JPH2: variants seen among roughly 807,000 people sequenced by gnomAD.
JPH2 encodes the protein junctophilin-2.
A neutral mutation model predicts 55.9 loss-of-function variants in JPH2; 38 were observed. The ratio of observed to expected loss-of-function variants is 0.68; its 90% CI spans 0.52 to 0.89. The LOEUF is 0.89. Among genes scored for constraint, JPH2 ranks in the 40% least tolerant of loss-of-function variants. JPH2 has a pLI of 0.00. For synonymous variants in JPH2, 480 were observed against 472.4 expected, an observed-to-expected ratio of 1.02 and a Z score of -0.21; for missense variants, 964 against 1,037.6, an observed-to-expected ratio of 0.93 and a Z score of 0.97.
chr20:44,115,202 T>A (rs1328659072), intron 4 of JPH2, among the ~76,000 whole-genome samples: 9 of 152,066 alleles, frequency 5.9e-5, no homozygotes, highest in Admixed American at 5.9e-4. Context: ...CCAGCTTCAG[T>A]CTTTGTTGCC....
chr20:44,134,163 AAATATTTATTATAAATATATAAATATT>A (rs2072359169), intron 2 of JPH2, among the ~76,000 whole-genome samples: 1 of 31,534 alleles, frequency 3.2e-5, no homozygotes, highest in Non-Finnish European at 5.7e-5. Context: ...ATAAATATAT[AAATATTTATTATAAATATATAAATATT>A]TATTATAAAT....
intron 2 of JPH2, among the ~76,000 whole-genome samples, chr20:44,157,002 C>T (rs2072570396): frequency 6.6e-6 from 1 of 152,222 alleles, no homozygotes; most frequent in Non-Finnish European, 1.5e-5. Flanking sequence ...TTGGGTTCTC[C>T]CACTTGCTTG....
In JPH2 at chr20:44,160,697, C is replaced by T. The variant is rs776186583; in HGVS notation, c.380-290G>A. Among the ~76,000 whole-genome samples the T allele has an allele frequency of 7.2e-5, 11 of 152,272 alleles. No individual in the cohort carries two copies. Among genetic ancestry groups the T allele is most frequent in the Non-Finnish European group, 1.6e-4 (11 of 68,022 alleles). On this transcript the variant is annotated intron_variant, in intron 1 of 5. Coordinates refer to ENST00000372980, the MANE Select transcript of JPH2 (RefSeq NM_020433.5). The surrounding 1 kb of genome is among the most constrained non-coding windows in gnomAD (Gnocchi z 4.9). ...AAGCTAGTGAGTTCGCATGGTAGTGCAAATGTTGGAGAGCATGGGCTTGTG... is the reference window on the plus strand; with the variant it reads ...AAGCTAGTGAGTTCGCATGGTAGTGTAAATGTTGGAGAGCATGGGCTTGTG...
At chr20:44,136,551 C>G (rs1312247705) in intron 2 of JPH2, among the ~76,000 whole-genome samples, 1 of 152,134 alleles carries the variant, frequency 6.6e-6, no homozygotes, top group Non-Finnish European at 1.5e-5. Flanking sequence ...TCACAATATT[C>G]TCTAAAGTAG....
chr20:44,162,779 T>C (rs1399685851), intron 1 of JPH2, among the ~76,000 whole-genome samples: 33 of 79,754 alleles, frequency 4.1e-4, no homozygotes, highest in South Asian at 1.5e-3. Flanking sequence ...TATATATATA[T>C]ATATATATAC....
At chr20:44,124,970 ACGGTGGTGCGCACCTG>A (rs1256656096) in intron 2 of JPH2, among the ~76,000 whole-genome samples, 2 of 124,590 alleles carry the variant, frequency 1.6e-5, no homozygotes, top group Non-Finnish European at 3.6e-5. Flanking sequence ...TCAGCTGGGC[ACGGTGGTGCGCACCTG>A]TAGTCCCAGC....
At chr20:44,162,813 C>A (rs2028473) in intron 1 of JPH2, among the ~76,000 whole-genome samples, 1 of 113,568 alleles carries the variant, frequency 8.8e-6, no homozygotes. Flanking sequence ...CACACACACA[C>A]ACACACACAC....
chr20:44,177,504 C>T lies in JPH2; in HGVS notation c.379+8823G>A, dbSNP rs573594704. 1,151 of 1,024,786 alleles carry T rather than the reference C, an allele frequency of 1.1e-3. 1 individual carries two copies. Among genetic ancestry groups the T allele is most frequent in the Non-Finnish European group, 1.3e-3 (1,092 of 853,412 alleles). The allele number at this position is 1,024,786 out of a possible 1,614,324, so 63.5% of individuals were successfully genotyped here. A position where few individuals can be genotyped will look rare whatever the true frequency, so the allele number is the denominator to read the frequency against. ...GTGGACAGGAAAGACTAATACGGTCCGCTTTTCTGTTCTGCTAAGGGTCTG... is the reference window on the plus strand; with the variant it reads ...GTGGACAGGAAAGACTAATACGGTCTGCTTTTCTGTTCTGCTAAGGGTCTG... On this transcript the variant is annotated intron_variant, in intron 1 of 5. Transcript: ENST00000372980.
chr20:44,183,905 A>C (rs184903201), intron 1 of JPH2, among the ~76,000 whole-genome samples: 114 of 152,244 alleles, frequency 7.5e-4, no homozygotes, highest in African/African-American at 2.7e-3. Flanking sequence ...TAATCCCAGC[A>C]CTTTGGGAGT....
chr20:44,109,260 C>T lies in JPH2; in HGVS notation c.*4258G>A, dbSNP rs2072125905. Among the ~76,000 whole-genome samples, 1 of 152,178 alleles carries T rather than the reference C, an allele frequency of 6.6e-6. No homozygotes were observed. The highest frequency in any genetic ancestry group is 1.5e-5 in the Non-Finnish European group (1 of 68,036). On this transcript the variant is annotated 3_prime_UTR_variant, in exon 6 of 6. Coordinates refer to ENST00000372980, the MANE Select transcript of JPH2 (RefSeq NM_020433.5). ...TTTCCTCATCTGCAAAATGGGTGGA[C>T]GAATACCTACACCATGGAGATACTG...
At position 44,116,111 on chromosome 20, in the gene JPH2, G is replaced by T. The variant is rs770850932; in HGVS notation, c.1564C>A (p.Arg522=). The T allele has an allele frequency of 3.4e-6, 5 of 1,479,392 alleles. No individual in the cohort carries two copies. Among genetic ancestry groups the T allele is most frequent in the Non-Finnish European group, 3.6e-6 (4 of 1,126,706 alleles). The allele number at this position is 1,479,392 out of a possible 1,614,324, so 91.6% of individuals were successfully genotyped here. A position where few individuals can be genotyped will look rare whatever the true frequency, so the allele number is the denominator to read the frequency against. Residue 522 remains arginine (R), a synonymous_variant, in exon 4 of 6, where the codon CGG becomes AGG. Transcript: ENST00000372980. ...WNGEPSGEGS[R]SVTPSEGAGR... ...GCGCCCTCGGACGGAGTGACTGACC[G>T]GCTGCCCTCACCGCTGGGCTCGCCG...
At chr20:44,175,567 C>T (rs950169806) in intron 1 of JPH2, among the ~76,000 whole-genome samples, 10 of 152,324 alleles carry the variant, frequency 6.6e-5, no homozygotes, top group South Asian at 4.1e-4. Flanking sequence ...CAACCCGAAG[C>T]GGAGGAGCTG....
At chr20:44,165,264 T>C (rs1364612014) in intron 1 of JPH2, among the ~76,000 whole-genome samples, 3 of 143,878 alleles carry the variant, frequency 2.1e-5, no homozygotes, top group Non-Finnish European at 4.6e-5. Flanking sequence ...GTAATGTAAA[T>C]AAATAAATTG....
At chr20:44,140,782 GAAT>G (rs1394503031) in intron 2 of JPH2, among the ~76,000 whole-genome samples, 1 of 152,054 alleles carries the variant, frequency 6.6e-6, no homozygotes, top group Non-Finnish European at 1.5e-5. Context: ...GGTAATCGTA[GAAT>G]AATTTTTTTA....
intron 1 of JPH2, among the ~76,000 whole-genome samples, chr20:44,171,248 C>T (rs2145888810): frequency 6.6e-6 from 1 of 152,326 alleles, no homozygotes; most frequent in East Asian, 1.9e-4. Flanking sequence ...AGCTGAACAT[C>T]TGCAACAGAA....
chr20:44,168,002 G>A lies in JPH2; in HGVS notation c.380-7595C>T, dbSNP rs1385458747. ...GGCAGCAGTCCAGATGAGAGGTGATGCCCCAGGTCTTGAGTGGCAGGGAGT... is the reference window on the plus strand; with the variant it reads ...GGCAGCAGTCCAGATGAGAGGTGATACCCCAGGTCTTGAGTGGCAGGGAGT... On this transcript the variant is annotated intron_variant, in intron 1 of 5. Coordinates refer to ENST00000372980, the MANE Select transcript of JPH2 (RefSeq NM_020433.5). 2.0e-5 allele frequency among the ~76,000 whole-genome samples: 3 copies of A among 152,298 alleles called. No homozygotes were observed. In the East Asian group the frequency reaches 5.8e-4, roughly 29 times the overall value.
intron 2 of JPH2, among the ~76,000 whole-genome samples, chr20:44,139,568 G>C (rs141580674): frequency 4.6e-5 from 7 of 152,262 alleles, no homozygotes; most frequent in Admixed American, 4.6e-4. Flanking sequence ...AAAAAAGCAA[G>C]ATTCCAAACA....
intron 1 of JPH2, among the ~76,000 whole-genome samples, chr20:44,168,783 T>A (rs2072675945): frequency 6.6e-6 from 1 of 152,196 alleles, no homozygotes; most frequent in African/African-American, 2.4e-5. Flanking sequence ...GAAATGCAAG[T>A]GCTATGGTTC....
chr20:44,173,295 T>C (rs2072710974), intron 1 of JPH2, among the ~76,000 whole-genome samples: 1 of 152,120 alleles, frequency 6.6e-6, no homozygotes, highest in Non-Finnish European at 1.5e-5. Flanking sequence ...TTTTGAACTT[T>C]TACATTCTGA....
Sources: gnomAD v4.1 joint callset for allele counts (sites outside exome capture counted in the v4.1 genomes callset) on GRCh38, gnomAD v4.1.1 for gene constraint, Gnocchi (gnomAD v3.1) non-coding constraint, MANE v1.5 for transcripts, NCBI Gene and HGNC (gene_info 2026-07-23, HGNC 2026-07-21) for gene names.